UNC79: variants seen among roughly 807,000 people sequenced by gnomAD.
The protein encoded by UNC79 is protein unc-79 homolog.
A neutral mutation model predicts 283.1 loss-of-function variants in UNC79; 37 were observed. The ratio of observed to expected loss-of-function variants is 0.13; its 90% CI spans 0.10 to 0.17. UNC79 has a LOEUF of 0.17. Ranked by LOEUF, UNC79 falls within the 10% of genes least tolerant of loss-of-function variation. The pLI is 1.00. For missense variants in UNC79, 2,272 were observed against 3,211.1 expected, an observed-to-expected ratio of 0.71 and a Z score of 7.07; for synonymous variants, 1,107 against 1,200.2, an observed-to-expected ratio of 0.92 and a Z score of 1.61.
intron 27 of UNC79, among the ~76,000 whole-genome samples, chr14:93,613,301 C>CGTGTGTGTGT (rs200301706): frequency 3.4e-5 from 5 of 146,764 alleles, no homozygotes; most frequent in African/African-American, 1.3e-4. Context: ...AGACTGCATG[C>CGTGTGTGTGT]GTGTGTGTGT....
At chr14:93,455,258 A>G (rs1168968582) in intron 1 of UNC79, among the ~76,000 whole-genome samples, 1 of 152,206 alleles carries the variant, frequency 6.6e-6, no homozygotes, top group Non-Finnish European at 1.5e-5. Context: ...ACCTTCCTCA[A>G]AAGAGAAGAT....
intron 47 of UNC79, among the ~76,000 whole-genome samples, chr14:93,699,891 A>G (rs1176652913): frequency 2.0e-5 from 3 of 152,140 alleles, no homozygotes; most frequent in African/African-American, 4.8e-5. Flanking sequence ...ATTTCATTCT[A>G]TAGATCTAAA....
intron 1 of UNC79, among the ~76,000 whole-genome samples, chr14:93,413,439 G>T (rs2055378546): frequency 6.6e-6 from 1 of 150,400 alleles, no homozygotes; most frequent in Non-Finnish European, 1.5e-5. Context: ...TTGGCCATTT[G>T]GGTTGGTTCC....
At chr14:93,527,224 C>T (rs2060586575) in intron 8 of UNC79, among the ~76,000 whole-genome samples, 1 of 152,174 alleles carries the variant, frequency 6.6e-6, no homozygotes. Context: ...AAACTATGGC[C>T]CAGAGCCAAA....
chr14:93,700,781 C>T (rs935515148), intron 47 of UNC79, among the ~76,000 whole-genome samples: 46 of 152,136 alleles, frequency 3.0e-4, no homozygotes, highest in African/African-American at 1.1e-3. Context: ...TACCACTATC[C>T]TTATCAGTAC....
intron 26 of UNC79, among the ~76,000 whole-genome samples, chr14:93,605,369 C>T (rs760236970): frequency 2.6e-5 from 4 of 152,146 alleles, no homozygotes; most frequent in East Asian, 1.9e-4. Flanking sequence ...CACTGTCATC[C>T]GCTCATCCCC....
chr14:93,439,773 G>T (rs144100592), intron 1 of UNC79, among the ~76,000 whole-genome samples: 1 of 151,950 alleles, frequency 6.6e-6, no homozygotes, highest in Admixed American at 6.6e-5. Flanking sequence ...TCTATTTGTT[G>T]TATGACACTT....
exon 49 of UNC79, chr14:93,706,848 A>G (rs775803367): frequency 6.2e-7 from 1 of 1,614,218 alleles, no homozygotes; most frequent in Non-Finnish European, 8.5e-7. Flanking sequence ...TCAGTTCAAA[A>G]TGGCCCAGGT....
chr14:93,386,511 T>C (rs537521950), intron 1 of UNC79, among the ~76,000 whole-genome samples: 1 of 152,362 alleles, frequency 6.6e-6, no homozygotes, highest in East Asian at 1.9e-4. Context: ...TAATCTCTCC[T>C]CTATTTTTCC....
chr14:93,379,583 A>T (rs2054624975), intron 1 of UNC79, among the ~76,000 whole-genome samples: 1 of 152,140 alleles, frequency 6.6e-6, no homozygotes, highest in South Asian at 2.1e-4. Context: ...CTTAATATAC[A>T]ATTCATATTT....
At chr14:93,604,940 G>A in intron 26 of UNC79, 2 of 1,586,298 alleles carry the variant, frequency 1.3e-6, no homozygotes, top group Non-Finnish European at 1.7e-6. Context: ...AGCTCTCGGT[G>A]GGACACCCGA....
intron 18 of UNC79, among the ~76,000 whole-genome samples, 187 bp from the exon 19 acceptor site, chr14:93,579,962 C>T (rs992055045): frequency 3.9e-5 from 6 of 152,174 alleles, no homozygotes; most frequent in South Asian, 2.1e-4. Flanking sequence ...GAAAAACCCA[C>T]GGACAGCAAT....
intron 40 of UNC79, among the ~76,000 whole-genome samples, chr14:93,666,724 C>T (rs2072240431): frequency 6.6e-6 from 1 of 152,004 alleles, no homozygotes; most frequent in South Asian, 2.1e-4. Flanking sequence ...TAGATTCAAA[C>T]AATAACAGTG....
chr14:93,555,263 C>A (rs2062104236), intron 14 of UNC79, among the ~76,000 whole-genome samples: 1 of 151,380 alleles, frequency 6.6e-6, no homozygotes, highest in Non-Finnish European at 1.5e-5. Flanking sequence ...TTTCTTTAAG[C>A]CAATTCATTG....
At chr14:93,399,394 A>G (rs780764751) in intron 1 of UNC79, among the ~76,000 whole-genome samples, 2 of 152,214 alleles carry the variant, frequency 1.3e-5, no homozygotes, top group Non-Finnish European at 2.9e-5. Context: ...GAGCACAATT[A>G]TGTAAGACTA....
chr14:93,405,095 C>T (rs2055199759), intron 1 of UNC79, among the ~76,000 whole-genome samples: 1 of 151,998 alleles, frequency 6.6e-6, no homozygotes, highest in Non-Finnish European at 1.5e-5. Context: ...CCCGCCTGGC[C>T]AACGTGGTGA....
At chr14:93,419,019 G>A (rs976827824) in intron 1 of UNC79, among the ~76,000 whole-genome samples, 6 of 151,700 alleles carry the variant, frequency 4.0e-5, no homozygotes, top group South Asian at 2.1e-4. Flanking sequence ...TGCACGGTGC[G>A]CTGCACCCAC....
intron 40 of UNC79, among the ~76,000 whole-genome samples, chr14:93,673,125 T>C (rs962324062): frequency 3.9e-5 from 6 of 152,246 alleles, no homozygotes; most frequent in Admixed American, 3.3e-4. Context: ...GCTTATCTTT[T>C]TCTTATCCAT....
chr14:93,523,890 GA>G (rs1446232507), intron 7 of UNC79, 87 bp from the exon 8 acceptor site: 24 of 1,427,848 alleles, frequency 1.7e-5, no homozygotes, highest in Admixed American at 3.6e-5. Context: ...GTTCTGTTTA[GA>G]AAAAAGAAAA....
Sources: allele counts gnomAD v4.1 joint callset (sites outside exome capture counted in the v4.1 genomes callset), GRCh38; gene constraint gnomAD v4.1.1; transcripts MANE v1.5; gene names NCBI Gene and HGNC (gene_info 2026-07-23, HGNC 2026-07-21).